Variants in ATP13A2 observed in about 807,000 individuals in gnomAD.
The protein encoded by ATP13A2 is polyamine-transporting ATPase 13A2.
ATP13A2 carries 83 observed loss-of-function variants against 138.3 expected under a neutral mutation model. The ratio of observed to expected loss-of-function variants is 0.60; its 90% confidence interval spans 0.50 to 0.72. ATP13A2 has a LOEUF of 0.72. Among genes scored for constraint, ATP13A2 ranks in the 30% least tolerant of loss-of-function variants. The pLI is 0.00. For missense variants in ATP13A2, 1,402 were observed against 1,606.4 expected (o/e 0.87, Z 2.17); for synonymous variants, 663 against 699.0 (o/e 0.95, Z 0.81).
intron 3 of ATP13A2, 114 bp downstream of exon 3, chr1:17,005,260 A>G (rs1050178680): frequency 3.2e-5 from 47 of 1,491,574 alleles, no homozygotes; most frequent in Non-Finnish European, 4.2e-5. Context: ...GAAGAGCGGG[A>G]CCTGCCTAAT....
chr1:16,995,537 A>C lies in ATP13A2; in HGVS notation c.1542+439T>G, dbSNP rs1230687232. ...GAGTACAATGGCATGATCTTGGCTC[A>C]CTGCAACCTCTGCGATTCTCCTGCC... is the stretch of plus-strand genomic sequence containing the variant. On this transcript the variant is annotated intron_variant, in intron 15 of 28. Coordinates refer to ENST00000326735, the MANE Select transcript of ATP13A2 (RefSeq NM_022089.4). The surrounding 1 kb of genome is among the most constrained non-coding windows in gnomAD (Gnocchi z 4.1). 3.2e-6 allele frequency: 1 copy of C among 310,182 alleles called. No individual in the cohort carries two copies. Among genetic ancestry groups the C allele is most frequent in the African/African-American group, 2.2e-5 (1 of 45,436 alleles). The allele number at this position is 310,182 out of a possible 1,614,324, so 19.2% of individuals were successfully genotyped here.
rs766432992 is a variant in ATP13A2 at position 16,989,946 on chromosome 1, C to T, written c.2470G>A (p.Ala824Thr). The T allele has an allele frequency of 2.5e-6, 4 of 1,604,028 alleles. No homozygotes were observed. The highest frequency in any genetic ancestry group is 3.4e-6 in the Non-Finnish European group (4 of 1,175,236). ...VEPDPRSRHL[A>T]LSGPTFGIIV... ...ATACCAAAGGTGGGCCCGCTGAGGG[C>T]CAGGTGCCTGGATCGGGGGTCTGGC... The change falls in exon 22 of 29, where the codon GCC (alanine) becomes ACC (threonine). Residue 824 changes from alanine (A) to threonine (T), a missense_variant. Ala to Thr is a moderately conservative substitution (Grantham distance 58). Transcript: ENST00000326735.
At chr1:16,994,914 G>A (rs1031180552) in intron 15 of ATP13A2, among the ~76,000 whole-genome samples, 37 of 152,112 alleles carry the variant, frequency 2.4e-4, no homozygotes, top group African/African-American at 8.7e-4. Context: ...CACCCGCCTC[G>A]GCCTCCCGAA....
intron 23 of ATP13A2, among the ~76,000 whole-genome samples, chr1:16,988,976 G>C (rs2076830330): frequency 6.6e-6 from 1 of 150,784 alleles, no homozygotes; most frequent in Non-Finnish European, 1.5e-5. Context: ...GCCCAGGCTA[G>C]AGTGCAGTGG....
chr1:16,998,350 G>A (rs536004437), intron 11 of ATP13A2, among the ~76,000 whole-genome samples: 8 of 152,114 alleles, frequency 5.3e-5, no homozygotes, highest in African/African-American at 1.7e-4. Context: ...GACGATAGAC[G>A]TGCACCACTA....
rs777755640 is a variant in ATP13A2, at chr1:16,986,826, G to A, written c.3214C>T (p.Arg1072Cys). 4.3e-6 allele frequency: 7 copies of A among 1,612,900 alleles called. No individual in the cohort carries two copies. Among genetic ancestry groups the A allele is most frequent in the South Asian group, 2.2e-5 (2 of 91,020 alleles). Residue 1072 changes from arginine to cysteine, a missense_variant, in exon 27 of 29, where the codon CGC becomes TGC. Coordinates refer to ENST00000326735, the MANE Select transcript of ATP13A2 (RefSeq NM_022089.4). This position sits in a 1 kb window ranked among gnomAD's most constrained non-coding sequence, Gnocchi z 6.9. Reference sequence around the variant, plus strand: ...GCACCATTGGTGTAGAGCGGCCGGCGGAAGGGCGCCCCCTTGGACACGGCT... The same window carrying A: ...GCACCATTGGTGTAGAGCGGCCGGCAGAAGGGCGCCCCCTTGGACACGGCT... ...AAAVSKGAPF[R>C]RPLYTNVPFL... is the part of the protein sequence containing the mutation.
At chr1:16,993,938 C>G (rs1377939359) in intron 15 of ATP13A2, 103 bp from the exon 16 acceptor site, 1 of 998,372 alleles carries the variant, frequency 1.0e-6, no homozygotes, top group Non-Finnish European at 1.4e-6. Context: ...ATGGGAACCC[C>G]AGGAACTCGA....
intron 22 of ATP13A2, 32 bp from the exon 23 acceptor site, chr1:16,989,802 G>A: frequency 1.2e-6 from 2 of 1,612,996 alleles, no homozygotes; most frequent in Non-Finnish European, 1.7e-6. Context: ...GGAGGGCTGA[G>A]GCACCCACCA....
At position 17,005,401 on chromosome 1, in the gene ATP13A2, T is replaced by C. The variant is rs1454439677; in HGVS notation, c.261A>G (p.Thr87=). Residue 87 remains threonine, a synonymous_variant, in exon 3 of 29, where the codon ACA becomes ACG. Coordinates refer to ENST00000326735, the MANE Select transcript of ATP13A2 (RefSeq NM_022089.4). The part of the protein sequence containing the change: ...LRPCNLAHAE[T]LVIEIRDKED... ...CTTTGTCTCTTATTTCGATAACGAG[T>C]GTTTCGGCGTGGGCCAGGTTGCAGG... 6.8e-6 allele frequency: 11 copies of C among 1,609,608 alleles called. 1 individual carries two copies. In the South Asian group the frequency reaches 1.2e-4, roughly 18 times the overall value.
chr1:16,992,341 C>T lies in ATP13A2; in HGVS notation c.1907G>A (p.Arg636His), dbSNP rs769622260. The T allele has an allele frequency of 3.2e-5, 52 of 1,612,748 alleles. No individual in the cohort carries two copies. Among genetic ancestry groups the T allele is most frequent in the South Asian group, 9.9e-5 (9 of 91,048 alleles). The change falls in exon 18 of 29, where the codon CGC becomes CAC. Residue 636 changes from arginine (R) to histidine (H), a missense_variant. Physicochemically the swap from Arg to His is conservative, Grantham distance 29. Transcript: ENST00000326735. ...TGGCCACGCCACCACCACACTCATG[C>T]GCTGCAGAGCCGAAGAGAAGGGGAA... ...HRFPFSSALQ[R>H]MSVVVAWPGA...
intron 23 of ATP13A2, among the ~76,000 whole-genome samples, chr1:16,989,430 C>G (rs1443194605): frequency 6.6e-6 from 1 of 152,072 alleles, no homozygotes; most frequent in Non-Finnish European, 1.5e-5. Flanking sequence ...AGGCTGGCCT[C>G]AAACTCCTGG....
Position 16,989,719 on chromosome 1 carries a change from C to G in ATP13A2, c.2581G>C (p.Glu861Gln), listed in dbSNP as rs753813388. The G allele has an allele frequency of 6.2e-7, 1 of 1,614,128 alleles. No homozygotes were observed. Among genetic ancestry groups the G allele is most frequent in the East Asian group, 2.2e-5 (1 of 44,878 alleles). Residue 861 changes from glutamate (E) to glutamine (Q), a missense_variant, in exon 23 of 29, where the codon GAG (glutamate) becomes CAG (glutamine). By Grantham distance (29) the Glu-to-Gln change is conservative (BLOSUM62 2). Coordinates refer to ENST00000326735, the MANE Select transcript of ATP13A2 (RefSeq NM_022089.4). Reference sequence around the variant, plus strand: ...AGCTTCTGTAGCTCGCACACCAGCTCTGTCTTCTGCTCAGGGGCCATGCGG... The same window carrying G: ...AGCTTCTGTAGCTCGCACACCAGCTGTGTCTTCTGCTCAGGGGCCATGCGG... The part of the protein sequence containing the change: ...FARMAPEQKT[E>Q]LVCELQKLQY...
At position 17,002,274 on chromosome 1, in the gene ATP13A2, C is replaced by T. The variant is rs780851439; in HGVS notation, c.635+22G>A. 4 of 1,611,218 alleles carry T rather than the reference C, an allele frequency of 2.5e-6. No individual in the cohort carries two copies. The South Asian group carries it at 4.4e-5, about 18-fold the overall frequency. ...CAAGGAGCCCCAGTTCTCAGGGCAC[C>T]CCGGTCCAGGGCAGCACTGACCTCA... is the stretch of plus-strand genomic sequence containing the variant. On this transcript the variant is annotated intron_variant, in intron 7 of 28. Coordinates refer to ENST00000326735, the MANE Select transcript of ATP13A2 (RefSeq NM_022089.4).
intron 15 of ATP13A2, among the ~76,000 whole-genome samples, chr1:16,994,774 T>G (rs2077059593): frequency 6.6e-6 from 1 of 152,160 alleles, no homozygotes; most frequent in African/African-American, 2.4e-5. Context: ...GCGATTCTCC[T>G]GCCCCAGCCT....
In ATP13A2 at chr1:16,990,298, T is replaced by A. The variant is rs775547036; in HGVS notation, c.2252-11A>T. 2 of 1,613,844 alleles carry A rather than the reference T, an allele frequency of 1.2e-6. No individual in the cohort carries two copies. The highest frequency in any genetic ancestry group is 3.3e-5 in the Admixed American group (2 of 60,020). ...TCTGCAGGTTGTCCCCTGGGGGTTA[T>A]GGGGCAAGGTGAGGGTCTGAGGCTA... On this transcript the variant is annotated splice_polypyrimidine_tract_variant and intron_variant, in intron 20 of 28. Coordinates refer to ENST00000326735, the MANE Select transcript of ATP13A2 (RefSeq NM_022089.4).
chr1:16,996,347 G>T (rs1222756339), intron 13 of ATP13A2, 39 bp downstream of exon 13: 2 of 1,613,946 alleles, frequency 1.2e-6, no homozygotes, highest in Non-Finnish European at 8.5e-7. Flanking sequence ...CCCAGGTGGG[G>T]GGGGCTATGG....
intron 1 of ATP13A2, among the ~76,000 whole-genome samples, chr1:17,008,956 T>G (rs2077672041): frequency 1.2e-5 from 1 of 86,238 alleles, no homozygotes; most frequent in Non-Finnish European, 2.2e-5. Flanking sequence ...AGAGCAAGAC[T>G]CAAAAAAAAA....
In ATP13A2 at chr1:17,000,056, C is replaced by T. The variant is rs141816878; in HGVS notation, c.994G>A (p.Ala332Thr). 3.0e-5 allele frequency: 49 copies of T among 1,612,896 alleles called. No homozygotes were observed. The highest frequency in any genetic ancestry group is 3.3e-5 in the Admixed American group (2 of 59,970). Residue 332 changes from alanine to threonine, a missense_variant, in exon 11 of 29, where the codon GCC (alanine) becomes ACC (threonine). Transcript: ENST00000326735. ...QEGGLMPCDA[A>T]LVAGECMVNE... ...ACCATGCACTCGCCGGCCACCAGGG[C>T]GGCATCACAGGGCATCAGCCCACCC...
At chr1:17,010,490 G>A (rs1185723641) in intron 1 of ATP13A2, among the ~76,000 whole-genome samples, 1 of 152,124 alleles carries the variant, frequency 6.6e-6, no homozygotes, top group Non-Finnish European at 1.5e-5. Flanking sequence ...CTGGGGTAGT[G>A]ACTATTATTA....
Sources: allele counts gnomAD v4.1 joint callset (sites outside exome capture counted in the v4.1 genomes callset), GRCh38; gene constraint gnomAD v4.1.1; non-coding constraint Gnocchi (gnomAD v3.1); transcripts MANE v1.5; gene names NCBI Gene and HGNC (gene_info 2026-07-23, HGNC 2026-07-21).